Variants in PNPT1 observed in about 807,000 individuals in gnomAD.
PNPT1 encodes polyribonucleotide nucleotidyltransferase 1, mitochondrial.
A neutral mutation model predicts 119.5 loss-of-function variants in PNPT1; 53 were observed. The ratio of observed to expected loss-of-function variants is 0.44; its 90% confidence interval spans 0.36 to 0.56. The LOEUF (loss-of-function observed/expected upper bound fraction) is 0.56. Ranked by LOEUF, PNPT1 falls within the 20% of genes least tolerant of loss-of-function variation. The pLI, the probability that PNPT1 is intolerant of heterozygous loss-of-function variation, is 0.00. For missense variants in PNPT1, 948 were observed against 938.5 expected, an observed-to-expected ratio of 1.01 and a Z score of -0.13; for synonymous variants, 357 against 322.1, an observed-to-expected ratio of 1.11 and a Z score of -1.16.
At chr2:55,687,761 G>C (rs1559114136) in intron 1 of PNPT1, 56 bp from the exon 2 acceptor site, 2 of 1,337,888 alleles carry the variant, frequency 1.5e-6, no homozygotes, top group African/African-American at 1.5e-5. Flanking sequence ...TACAATTCCT[G>C]CTTAGTATAA....
At chr2:55,684,863 T>C (rs1254907323) in intron 4 of PNPT1, 80 bp downstream of exon 4, 8 of 1,366,320 alleles carry the variant, frequency 5.9e-6, no homozygotes, top group South Asian at 3.9e-5. Flanking sequence ...TTAAGACTTA[T>C]TGTAGAACAC....
At chr2:55,668,688 C>T (rs1247334196) in intron 11 of PNPT1, among the ~76,000 whole-genome samples, 1 of 152,188 alleles carries the variant, frequency 6.6e-6, no homozygotes, top group Non-Finnish European at 1.5e-5. Context: ...CAACCATCGC[C>T]TCCTGGGTTC....
intron 18 of PNPT1, among the ~76,000 whole-genome samples, chr2:55,647,961 A>T (rs1336682995): frequency 5.3e-5 from 8 of 152,224 alleles, no homozygotes; most frequent in Non-Finnish European, 1.0e-4. Context: ...AATGTAAACA[A>T]GTACTATATC....
rs1239299130 is a variant in PNPT1 at position 55,671,998 on chromosome 2, G to T, written c.915C>A (p.Asp305Glu). The change falls in exon 10 of 28, where the codon GAC (aspartate) becomes GAA (glutamate). Residue 305 changes from aspartate (D) to glutamate (E), a missense_variant. Coordinates refer to ENST00000447944, the MANE Select transcript of PNPT1 (RefSeq NM_033109.5). Reference sequence around the variant, plus strand: ...GACAAAACTCAGGTATACCTACTTTGTCATGCTCGTAATCTGTAAAAACTG... The same window carrying T: ...GACAAAACTCAGGTATACCTACTTTTTCATGCTCGTAATCTGTAAAAACTG... ...LYAVFTDYEH[D>E]KVSRDEAVNK... 4.4e-6 allele frequency: 7 copies of T among 1,597,680 alleles called. No individual in the cohort carries two copies. Among genetic ancestry groups the T allele is most frequent in the Non-Finnish European group, 6.0e-6 (7 of 1,172,570 alleles).
chr2:55,652,796 C>G (rs549459685), intron 18 of PNPT1, among the ~76,000 whole-genome samples: 1 of 152,346 alleles, frequency 6.6e-6, no homozygotes, highest in African/African-American at 2.4e-5. Context: ...AGTGAATTAA[C>G]TATGGCATGA....
At chr2:55,678,062 T>C (rs536242848) in intron 8 of PNPT1, among the ~76,000 whole-genome samples, 62 of 152,176 alleles carry the variant, frequency 4.1e-4, no homozygotes, top group Non-Finnish European at 7.6e-4. Context: ...TTAATGATAA[T>C]AGCAGGTATT....
At chr2:55,674,035 A>G (rs1342578639) in intron 8 of PNPT1, among the ~76,000 whole-genome samples, 3 of 152,178 alleles carry the variant, frequency 2.0e-5, no homozygotes, top group Non-Finnish European at 2.9e-5. Flanking sequence ...ACATATTTTA[A>G]ATAAAATGTA....
intron 18 of PNPT1, among the ~76,000 whole-genome samples, chr2:55,650,658 G>A (rs1696148834): frequency 6.6e-6 from 1 of 151,578 alleles, no homozygotes; most frequent in African/African-American, 2.4e-5. Flanking sequence ...TCTGAGATGT[G>A]GGGAGCACCT....
intron 26 of PNPT1, among the ~76,000 whole-genome samples, chr2:55,638,621 C>G (rs1268214469): frequency 2.0e-5 from 3 of 152,088 alleles, no homozygotes; most frequent in Non-Finnish European, 4.4e-5. Flanking sequence ...TATACTCCAG[C>G]CTGGGTGACA....
intron 15 of PNPT1, among the ~76,000 whole-genome samples, chr2:55,659,467 T>C (rs782606): frequency 0.45 from 67,797 of 151,628 alleles, 16,170 homozygotes; most frequent in Non-Finnish European, 0.53. Context: ...GATTTGGGAG[T>C]TGAGGTATTT....
chr2:55,645,544 G>A lies in PNPT1; in HGVS notation c.1739-112C>T, dbSNP rs1695970058. The A allele has an allele frequency of 4.7e-6, 3 of 634,244 alleles. No individual in the cohort carries two copies. The South Asian group carries it at 6.0e-5, about 13-fold the overall frequency. The allele number at this position is 634,244 out of a possible 1,614,324, so 39.3% of individuals were successfully genotyped here. The stretch of plus-strand genomic sequence containing the variant: ...TAAACCCTGTAGCTTAATAATTGAA[G>A]CTTTCCACATCCCTATTACCTTGAA... On this transcript the variant is annotated intron_variant, in intron 21 of 27. Coordinates refer to ENST00000447944, the MANE Select transcript of PNPT1 (RefSeq NM_033109.5).
intron 1 of PNPT1, 144 bp downstream of exon 1, chr2:55,693,519 A>G: frequency 8.2e-7 from 1 of 1,215,316 alleles, no homozygotes; most frequent in Non-Finnish European, 1.1e-6. Context: ...CAAACCCGGA[A>G]AGGGAAATTT....
At chr2:55,662,170 A>T (rs993353702) in intron 13 of PNPT1, 144 bp from the exon 14 acceptor site, 2 of 600,384 alleles carry the variant, frequency 3.3e-6, no homozygotes, top group Non-Finnish European at 5.3e-6. Flanking sequence ...AACTGCATTA[A>T]ACACTTATTT....
intron 25 of PNPT1, 73 bp downstream of exon 25, chr2:55,643,085 C>T (rs917675607): frequency 1.3e-6 from 2 of 1,511,736 alleles, no homozygotes; most frequent in African/African-American, 2.7e-5. Flanking sequence ...CTGTATCCCA[C>T]TGTGGGTGGC....
chr2:55,679,666 A>G lies in PNPT1; in HGVS notation c.679+16T>C. ...AAGTAAAATCCAGAACAAATGTGGT[A>G]TTTAAAACAACTTACCAATCTGACT... On this transcript the variant is annotated intron_variant, in intron 8 of 27. Coordinates refer to ENST00000447944, the MANE Select transcript of PNPT1 (RefSeq NM_033109.5). 6.6e-7 allele frequency: 1 copy of G among 1,523,646 alleles called. No individual in the cohort carries two copies. The highest frequency in any genetic ancestry group is 9.1e-7 in the Non-Finnish European group (1 of 1,100,434). 94.4% of individuals were successfully genotyped at this position (1,523,646 alleles called of 1,614,324 possible).
chr2:55,635,707 T>C lies in PNPT1; in HGVS notation c.*530A>G, dbSNP rs1695650548. 6.6e-6 allele frequency: 1 copy of C among 152,224 alleles called. No homozygotes were observed. Among genetic ancestry groups the C allele is most frequent in the Non-Finnish European group, 1.5e-5 (1 of 68,060 alleles). The allele number at this position is 152,224 out of a possible 1,614,324, so 9.4% of individuals were successfully genotyped here. ...TTGAAAGGCATTATATTATCAAAAG[T>C]GTATCAGATTAGCTCCCTCAACTCA... On this transcript the variant is annotated 3_prime_UTR_variant, in exon 28 of 28. Coordinates refer to ENST00000447944, the MANE Select transcript of PNPT1 (RefSeq NM_033109.5).
At chr2:55,678,401 G>A (rs970977526) in intron 8 of PNPT1, among the ~76,000 whole-genome samples, 1 of 152,192 alleles carries the variant, frequency 6.6e-6, no homozygotes, top group African/African-American at 2.4e-5. Flanking sequence ...ACTTGCAGTC[G>A]AGGCTATAGT....
chr2:55,689,629 A>C (rs1317593073), intron 1 of PNPT1, among the ~76,000 whole-genome samples: 1 of 152,246 alleles, frequency 6.6e-6, no homozygotes, highest in Non-Finnish European at 1.5e-5. Context: ...TTTCCATGTA[A>C]GAAATATTCA....
chr2:55,660,750 T>C (rs1353159216), intron 14 of PNPT1, among the ~76,000 whole-genome samples: 1 of 152,220 alleles, frequency 6.6e-6, no homozygotes, highest in East Asian at 1.9e-4. Context: ...CAAAGGCCAG[T>C]GTGGCTGAGT....
Sources: gnomAD v4.1 joint callset for allele counts (sites outside exome capture counted in the v4.1 genomes callset) on GRCh38, gnomAD v4.1.1 for gene constraint, MANE v1.5 for transcripts, NCBI Gene and HGNC (gene_info 2026-07-23, HGNC 2026-07-21) for gene names.